The following ADGRL3 variants were observed in gnomAD, a reference collection of about 807,000 sequenced individuals.
ADGRL3 encodes the protein calcium-independent alpha-latrotoxin receptor 3.
In ADGRL3, 62 loss-of-function variants were observed where a neutral mutation model predicts 153.5. The observed-to-expected ratio is 0.40, with a 90% CI of 0.33 to 0.50. The LOEUF is 0.50. ADGRL3 is among the 20% of genes least tolerant of loss of function. ADGRL3 has a pLI of 0.47. For missense variants in ADGRL3, 1,641 were observed against 1,859.4 expected (o/e 0.88, Z 2.16); for synonymous variants, 710 against 672.5 (o/e 1.06, Z -0.86).
intron 4 of ADGRL3, among the ~76,000 whole-genome samples, chr4:61,541,471 G>C (rs1305079420): frequency 6.9e-6 from 1 of 144,930 alleles, no homozygotes; most frequent in Non-Finnish European, 1.5e-5. Context: ...TTATATCTTT[G>C]AAAGCCTGTG....
chr4:61,870,273 G>C (rs72638583), intron 9 of ADGRL3, among the ~76,000 whole-genome samples: 13,049 of 151,928 alleles, frequency 0.086, 748 homozygotes, highest in Middle Eastern at 0.17. Flanking sequence ...CAGTGAATGG[G>C]GTTGGACCTA....
chr4:61,494,566 C>T (rs548842269), intron 2 of ADGRL3, among the ~76,000 whole-genome samples: 8 of 152,122 alleles, frequency 5.3e-5, no homozygotes, highest in Non-Finnish European at 1.2e-4. Context: ...ACACTTATGA[C>T]AATTGAGAAT....
At chr4:61,895,668 T>C (rs1212058257) in intron 10 of ADGRL3, 63 bp from the exon 11 acceptor site, 8 of 815,630 alleles carry the variant, frequency 9.8e-6, no homozygotes, top group Non-Finnish European at 7.8e-6. Flanking sequence ...TATTTTAAAA[T>C]ATACCATGGA....
At chr4:62,023,446 A>T (rs963971958) in intron 21 of ADGRL3, among the ~76,000 whole-genome samples, 2 of 152,182 alleles carry the variant, frequency 1.3e-5, no homozygotes, top group Non-Finnish European at 2.9e-5. Flanking sequence ...ACAAGGTTTG[A>T]GAGGATTGAC....
intron 13 of ADGRL3, among the ~76,000 whole-genome samples, chr4:61,926,916 C>T (rs1391516788): frequency 6.6e-6 from 1 of 152,162 alleles, no homozygotes; most frequent in Non-Finnish European, 1.5e-5. Flanking sequence ...TTTGCAGTGC[C>T]TATTCTCTTT....
intron 4 of ADGRL3, among the ~76,000 whole-genome samples, chr4:61,531,593 A>G (rs565195364): frequency 6.6e-6 from 1 of 152,158 alleles, no homozygotes; most frequent in African/African-American, 2.4e-5. Flanking sequence ...TACATAAATG[A>G]CTGCATCCAG....
intron 9 of ADGRL3, among the ~76,000 whole-genome samples, chr4:61,852,564 C>T (rs2098218666): frequency 6.6e-6 from 1 of 152,114 alleles, no homozygotes; most frequent in African/African-American, 2.4e-5. Flanking sequence ...ATCCGCCCGC[C>T]TCGGCCTCCG....
At chr4:61,934,789 A>G in intron 13 of ADGRL3, 51 bp from the exon 14 acceptor site, 1 of 1,450,172 alleles carries the variant, frequency 6.9e-7, no homozygotes, top group Non-Finnish European at 9.6e-7. Flanking sequence ...GATTTCTGAC[A>G]GCTATGTGGG....
chr4:61,834,588 G>T lies in ADGRL3; in HGVS notation c.1480+20699G>T, dbSNP rs187940275. On this transcript the variant is annotated intron_variant, in intron 9 of 26. Transcript: ENST00000683033. ...AAAACTTGTTAATCTTAAGGTGTAGGCTATGACGATGGGAAAAGGCCATCA... is the reference window on the plus strand; with the variant it reads ...AAAACTTGTTAATCTTAAGGTGTAGTCTATGACGATGGGAAAAGGCCATCA... 7.3e-4 allele frequency among the ~76,000 whole-genome samples: 111 copies of T among 152,158 alleles called. 1 individual carries two copies. Among genetic ancestry groups the T allele is most frequent in the South Asian group, 1.0e-3 (5 of 4,818 alleles).
chr4:61,782,407 A>G (rs1021512320), intron 8 of ADGRL3, among the ~76,000 whole-genome samples: 1 of 152,200 alleles, frequency 6.6e-6, no homozygotes, highest in Non-Finnish European at 1.5e-5. Context: ...GCTTATGGTA[A>G]TGAAGAAGTT....
chr4:61,417,999 G>T (rs773900183), intron 2 of ADGRL3, among the ~76,000 whole-genome samples: 2 of 152,076 alleles, frequency 1.3e-5, no homozygotes, highest in Non-Finnish European at 2.9e-5. Flanking sequence ...CTGGACAAGG[G>T]GAGGAGAGGC....
chr4:61,757,585 G>A (rs1348858025), intron 8 of ADGRL3, among the ~76,000 whole-genome samples: 4 of 151,936 alleles, frequency 2.6e-5, no homozygotes, highest in Non-Finnish European at 2.9e-5. Context: ...TGGATTCATT[G>A]ATTTTTTGAA....
chr4:61,589,069 A>G (rs1412343677), intron 5 of ADGRL3, among the ~76,000 whole-genome samples: 1 of 152,076 alleles, frequency 6.6e-6, no homozygotes. Flanking sequence ...AAGTATTTCA[A>G]AAAAGTAGTT....
At chr4:62,005,986 ACAC>A (rs2099156418) in intron 21 of ADGRL3, among the ~76,000 whole-genome samples, 1 of 84,964 alleles carries the variant, frequency 1.2e-5, no homozygotes, top group South Asian at 4.9e-4. Flanking sequence ...ACACACACAC[ACAC>A]ACACACACAC....
At chr4:61,991,466 T>C (rs1266239189) in intron 19 of ADGRL3, among the ~76,000 whole-genome samples, 1 of 152,070 alleles carries the variant, frequency 6.6e-6, no homozygotes, top group Admixed American at 6.6e-5. Flanking sequence ...TGCATTTTGC[T>C]GAAAAAACTA....
chr4:61,724,254 A>T (rs943240633), intron 6 of ADGRL3, among the ~76,000 whole-genome samples: 3 of 152,240 alleles, frequency 2.0e-5, no homozygotes, highest in Non-Finnish European at 4.4e-5. Flanking sequence ...ACCAATAATA[A>T]CTTCGAAAAA....
At chr4:61,624,310 A>C (rs2092704349) in intron 5 of ADGRL3, among the ~76,000 whole-genome samples, 1 of 152,150 alleles carries the variant, frequency 6.6e-6, no homozygotes, top group Admixed American at 6.5e-5. Flanking sequence ...AGGTTATTAG[A>C]GTCTAAGGGA....
chr4:61,923,467 A>G lies in ADGRL3; in HGVS notation c.2112+10710A>G, dbSNP rs557822110. Among the ~76,000 whole-genome samples, 22 of 152,224 alleles carry G rather than the reference A, an allele frequency of 1.4e-4. No homozygotes were observed. In the East Asian group the frequency reaches 2.5e-3, roughly 17 times the overall value. On this transcript the variant is annotated intron_variant, in intron 13 of 26. Coordinates refer to ENST00000683033, the MANE Select transcript of ADGRL3 (RefSeq NM_001387552.1). Reference sequence around the variant, plus strand: ...ATAGAAAAAAATCCCTTTTTGAACTACAGTGCTTGAGTATCAGACTCCTGT... The same window carrying G: ...ATAGAAAAAAATCCCTTTTTGAACTGCAGTGCTTGAGTATCAGACTCCTGT...
intron 8 of ADGRL3, among the ~76,000 whole-genome samples, chr4:61,764,906 A>G (rs1236282799): frequency 6.6e-6 from 1 of 151,714 alleles, no homozygotes; most frequent in African/African-American, 2.4e-5. Context: ...TGGGGATGTT[A>G]GAAGAAACAT....
Sources: gnomAD v4.1 joint callset for allele counts (sites outside exome capture counted in the v4.1 genomes callset) on GRCh38, gnomAD v4.1.1 for gene constraint, MANE v1.5 for transcripts, NCBI Gene and HGNC (gene_info 2026-07-23, HGNC 2026-07-21) for gene names.